SLIT2: variants seen among roughly 807,000 people sequenced by gnomAD.
The protein encoded by SLIT2 is slit guidance ligand 2, also known as slit homolog 2 protein.
A neutral mutation model predicts 185.7 loss-of-function variants in SLIT2; 41 were observed. The observed-to-expected ratio is 0.22, with a 90% CI of 0.17 to 0.29. The LOEUF is 0.29. Ranked by LOEUF, SLIT2 falls within the 10% of genes least tolerant of loss-of-function variation. The pLI, the probability that SLIT2 is intolerant of heterozygous loss-of-function variation, is 1.00. For missense variants in SLIT2, 1,571 were observed against 1,909.0 expected (o/e 0.82, Z 3.30); for synonymous variants, 693 against 680.2 (o/e 1.02, Z -0.29).
chr4:20,302,466 AT>A (rs1228402322), intron 4 of SLIT2, among the ~76,000 whole-genome samples: 1 of 152,066 alleles, frequency 6.6e-6, no homozygotes, highest in Non-Finnish European at 1.5e-5. Context: ...CATAATGTCT[AT>A]GGGGGGGATG....
At chr4:20,409,338 C>T (rs1334919101) in intron 4 of SLIT2, among the ~76,000 whole-genome samples, 1 of 152,086 alleles carries the variant, frequency 6.6e-6, no homozygotes, top group African/African-American at 2.4e-5. Context: ...TTTTCTGTTC[C>T]TGTGTTAGTT....
intron 30 of SLIT2, among the ~76,000 whole-genome samples, chr4:20,591,802 T>G (rs1294942076): frequency 6.6e-6 from 1 of 152,014 alleles, no homozygotes; most frequent in Non-Finnish European, 1.5e-5. Flanking sequence ...CACAGTACTT[T>G]GTGTATTGTA....
At chr4:20,383,971 G>T (rs1436116030) in intron 4 of SLIT2, among the ~76,000 whole-genome samples, 1 of 152,088 alleles carries the variant, frequency 6.6e-6, no homozygotes, top group African/African-American at 2.4e-5. Flanking sequence ...CTCCCAAAGT[G>T]CTGGGATTAC....
intron 4 of SLIT2, among the ~76,000 whole-genome samples, chr4:20,373,721 T>C (rs1723780359): frequency 1.3e-5 from 2 of 152,078 alleles, no homozygotes; most frequent in South Asian, 4.1e-4. Flanking sequence ...AATGACTAAG[T>C]GAAACCCAAT....
chr4:20,281,527 T>C (rs1204045574), intron 4 of SLIT2, among the ~76,000 whole-genome samples: 1 of 151,902 alleles, frequency 6.6e-6, no homozygotes, highest in Non-Finnish European at 1.5e-5. Flanking sequence ...GAATCTGGAG[T>C]CTGTTTCTAA....
chr4:20,535,743 G>A (rs1428188201), intron 18 of SLIT2, among the ~76,000 whole-genome samples: 4 of 152,096 alleles, frequency 2.6e-5, no homozygotes, highest in Admixed American at 6.6e-5. Context: ...CTGCTCATAG[G>A]GAGAGAGAAT....
chr4:20,258,405 T>G (rs2322459), intron 3 of SLIT2, among the ~76,000 whole-genome samples: 60,722 of 151,336 alleles, frequency 0.4, 13,003 homozygotes, highest in East Asian at 0.8. Context: ...TTTACTTTTT[T>G]ATATTTAGCG....
At chr4:20,588,334 T>G (rs1254625119) in intron 29 of SLIT2, among the ~76,000 whole-genome samples, 1 of 152,212 alleles carries the variant, frequency 6.6e-6, no homozygotes, top group Non-Finnish European at 1.5e-5. Flanking sequence ...ACTCTTGAAG[T>G]CTAAATAATA....
intron 9 of SLIT2, among the ~76,000 whole-genome samples, chr4:20,505,318 T>A (rs1002694686): frequency 5.9e-5 from 9 of 152,058 alleles, no homozygotes; most frequent in Non-Finnish European, 1.0e-4. Context: ...TCTATATAAG[T>A]GCAAAGCTCA....
intron 4 of SLIT2, among the ~76,000 whole-genome samples, chr4:20,354,695 A>G (rs1391867364): frequency 6.6e-6 from 1 of 152,168 alleles, no homozygotes; most frequent in Non-Finnish European, 1.5e-5. Context: ...TTTATTAAGT[A>G]GGGTTTGCAA....
At chr4:20,285,078 T>C (rs538910927) in intron 4 of SLIT2, among the ~76,000 whole-genome samples, 1 of 152,228 alleles carries the variant, frequency 6.6e-6, no homozygotes, top group East Asian at 1.9e-4. Context: ...TTGTCTTCCC[T>C]GTACAAGGGG....
At chr4:20,364,488 A>G (rs1722961375) in intron 4 of SLIT2, among the ~76,000 whole-genome samples, 1 of 152,132 alleles carries the variant, frequency 6.6e-6, no homozygotes, top group African/African-American at 2.4e-5. Flanking sequence ...GTCAGTAACC[A>G]TACTCTAATA....
At position 20,256,710 on chromosome 4, in the gene SLIT2, C is replaced by A. The variant is rs1267911641; in HGVS notation, c.218C>A (p.Thr73Lys). Residue 73 changes from threonine to lysine, a missense_variant, in exon 2 of 37, where the codon ACA becomes AAA. Around this residue, in one of 3 missense-constraint regions of SLIT2, gnomAD observed 1,202 missense variants for 1,416.4 expected, o/e 0.85. Coordinates refer to ENST00000504154, the MANE Select transcript of SLIT2 (RefSeq NM_004787.4). Reference protein sequence around the residue: ...NGNNITRITKTDFAGLRHLRV... With the variant: ...NGNNITRITKKDFAGLRHLRV... ...AATAACATCACAAGAATTACGAAGA[C>A]AGATTTTGCTGGTCTTAGACATCTA... 2 of 1,575,968 alleles carry A rather than the reference C, an allele frequency of 1.3e-6. No homozygotes were observed. Among genetic ancestry groups the A allele is most frequent in the East Asian group, 4.6e-5 (2 of 43,866 alleles).
intron 11 of SLIT2, among the ~76,000 whole-genome samples, chr4:20,511,595 T>TTTTTTTTTTTTTTTTTTTTTTTTA (rs1211611464): frequency 7.3e-6 from 1 of 137,830 alleles, no homozygotes; most frequent in Non-Finnish European, 1.6e-5. Context: ...TAATTTTTTT[T>TTTTTTTTTTTTTTTTTTTTTTTTA]TTTTTTTTAT....
At chr4:20,456,885 TTAAC>T in intron 4 of SLIT2, among the ~76,000 whole-genome samples, 1 of 152,216 alleles carries the variant, frequency 6.6e-6, no homozygotes, top group South Asian at 2.1e-4. Context: ...GGTATTTATA[TTAAC>T]TTACATTAAC....
chr4:20,472,272 ATATC>A (rs1465293807), intron 5 of SLIT2, among the ~76,000 whole-genome samples: 2 of 34,652 alleles, frequency 5.8e-5, no homozygotes, highest in East Asian at 3.5e-3. Context: ...ATATAGATAT[ATATC>A]TATATATATA....
chr4:20,591,251 A>G (rs1451150148), intron 30 of SLIT2, among the ~76,000 whole-genome samples: 1 of 152,196 alleles, frequency 6.6e-6, no homozygotes, highest in African/African-American at 2.4e-5. Context: ...GAATTTTATA[A>G]GAGAAGATGG....
intron 4 of SLIT2, among the ~76,000 whole-genome samples, chr4:20,400,741 G>A (rs1041125499): frequency 1.6e-4 from 25 of 151,692 alleles, no homozygotes; most frequent in Admixed American, 3.3e-4. Flanking sequence ...TTAATGATCA[G>A]TTAAAGAAGG....
chr4:20,399,502 A>G (rs1726182504), intron 4 of SLIT2, among the ~76,000 whole-genome samples: 2 of 151,770 alleles, frequency 1.3e-5, no homozygotes, highest in African/African-American at 4.8e-5. Context: ...TTACGTTAAT[A>G]TATGTAAAGT....
Sources: gnomAD v4.1 joint callset for allele counts (sites outside exome capture counted in the v4.1 genomes callset) on GRCh38, gnomAD v4.1.1 for gene constraint, gnomAD v4.1.1 regional missense constraint, MANE v1.5 for transcripts, NCBI Gene and HGNC (gene_info 2026-07-23, HGNC 2026-07-21) for gene names.